SHH: variants seen among roughly 807,000 people sequenced by gnomAD.
SHH encodes the protein sonic hedgehog protein.
A neutral mutation model predicts 16.6 loss-of-function variants in SHH; 3 were observed. The observed-to-expected ratio is 0.18, with a 90% CI of 0.08 to 0.47. The LOEUF is 0.47. SHH is among the 20% of genes least tolerant of loss of function. The pLI is 0.98. For missense variants in SHH, 499 were observed against 665.0 expected, an observed-to-expected ratio of 0.75 and a Z score of 2.75; for synonymous variants, 351 against 316.2, an observed-to-expected ratio of 1.11 and a Z score of -1.17.
At position 155,803,630 on chromosome 7, in the gene SHH, G is replaced by A; in HGVS notation, c.659C>T (p.Pro220Leu). The change falls in exon 3 of 3, where the codon CCC becomes CTC. Residue 220 changes from proline (P) to leucine (L), a missense_variant. Pro to Leu is a moderately conservative substitution (Grantham distance 98, BLOSUM62 -3). Around this residue, in one of 4 missense-constraint regions of SHH, gnomAD observed 114 missense variants for 200.4 expected, o/e 0.57. Transcript: ENST00000297261. The part of the protein sequence containing the change: ...GGTKLVKDLS[P>L]GDRVLAADDQ... ...GTCCGCCGCCAGCACGCGGTCCCCG[G>A]GGCTCAGGTCCTTCACCAGCTTGGT... The A allele has an allele frequency of 6.3e-7, 1 of 1,598,314 alleles. No individual in the cohort carries two copies. Among genetic ancestry groups the A allele is most frequent in the South Asian group, 1.1e-5 (1 of 90,852 alleles).
Position 155,812,263 on chromosome 7 carries a change from GGCT to G in SHH, c.-144_-142del. On this transcript the variant is annotated 5_prime_UTR_variant, in exon 1 of 3. Coordinates refer to ENST00000297261, the MANE Select transcript of SHH (RefSeq NM_000193.4). ...TCGCCCGCTCGCTCTCTCCCTCGCT[GGCT>G]GCCTCGCTCTTTCTCTTCCTATATA... is the stretch of plus-strand genomic sequence containing the variant. The G allele has an allele frequency of 1.2e-6, 1 of 803,846 alleles. No homozygotes were observed. Among genetic ancestry groups the G allele is most frequent in the South Asian group, 1.5e-5 (1 of 68,220 alleles). The allele number at this position is 803,846 out of a possible 1,614,324, so 49.8% of individuals were successfully genotyped here.
In SHH at chr7:155,803,327, C is replaced by T; in HGVS notation, c.962G>A (p.Arg321His). 1 of 1,474,828 alleles carries T rather than the reference C, an allele frequency of 6.8e-7. No individual in the cohort carries two copies. Among genetic ancestry groups the T allele is most frequent in the Non-Finnish European group, 8.9e-7 (1 of 1,120,896 alleles). 91.4% of individuals were successfully genotyped at this position (1,474,828 alleles called of 1,614,324 possible). A position where few individuals can be genotyped will look rare whatever the true frequency, so the allele number is the denominator to read the frequency against. Residue 321 changes from arginine (R) to histidine (H), a missense_variant, in exon 3 of 3, where the codon CGT (arginine) becomes CAT (histidine). Physicochemically the swap from Arg to His is conservative, Grantham distance 29 (BLOSUM62 0). Coordinates refer to ENST00000297261, the MANE Select transcript of SHH (RefSeq NM_000193.4). ...GGGCAGGAGCCGGCGGTCCCCGTCA[C>T]GCTCGGCCACCACGTACACGCGCTG... ...PGQRVYVVAE[R>H]DGDRRLLPAA...
At chr7:155,810,123 T>C (rs1414124358) in intron 1 of SHH, among the ~76,000 whole-genome samples, 1 of 152,092 alleles carries the variant, frequency 6.6e-6, no homozygotes, top group Admixed American at 6.5e-5. Context: ...CCGCGGGGGA[T>C]CGATAACCCG....
rs10596345 is a variant in SHH at position 155,802,076 on chromosome 7, C to CAAAAAAAAAAAAAAAAAAAAAAAAAA, written c.*823_*824insTTTTTTTTTTTTTTTTTTTTTTTTTT. 1 of 91,222 alleles carries CAAAAAAAAAAAAAAAAAAAAAAAAAA rather than the reference C, an allele frequency of 1.1e-5. No individual in the cohort carries two copies. The highest frequency in any genetic ancestry group is 4.4e-5 in the African/African-American group (1 of 22,624). The allele number at this position is 91,222 out of a possible 1,614,324, so 5.7% of individuals were successfully genotyped here. Reference sequence around the variant, plus strand: ...AAAATAACAGTTCTTCCAGTTTGTCCAAAAAAAAAAAAAAAAAAAAAAAAG... The same window carrying CAAAAAAAAAAAAAAAAAAAAAAAAAA: ...AAAATAACAGTTCTTCCAGTTTGTCCAAAAAAAAAAAAAAAAAAAAAAAAAAAAAAAAAAAAAAAAAAAAAAAAAAG... On this transcript the variant is annotated 3_prime_UTR_variant, in exon 3 of 3. Transcript: ENST00000297261.
intron 1 of SHH, 29 bp from the exon 2 acceptor site, chr7:155,806,586 G>T (rs1449853450): frequency 1.2e-6 from 2 of 1,610,170 alleles, no homozygotes; most frequent in East Asian, 2.2e-5. Flanking sequence ...CCCCACCGAC[G>T]GACACGTTAG....
rs1803167400 is a variant in SHH, at chr7:155,800,970, A to G, written c.*1930T>C. Reference sequence around the variant, plus strand: ...AACTCTTCCAAGGCCCAGCCTGCTCAGACGATTCGGCCCAAAGCACAAAGC... The same window carrying G: ...AACTCTTCCAAGGCCCAGCCTGCTCGGACGATTCGGCCCAAAGCACAAAGC... On this transcript the variant is annotated 3_prime_UTR_variant, in exon 3 of 3. Transcript: ENST00000297261. 4.8e-6 allele frequency: 1 copy of G among 209,252 alleles called. No homozygotes were observed. The highest frequency in any genetic ancestry group is 5.2e-5 in the Admixed American group (1 of 19,102). The allele number at this position is 209,252 out of a possible 1,614,324, so 13.0% of individuals were successfully genotyped here.
chr7:155,809,987 C>A lies in SHH; in HGVS notation c.300+1836G>T, dbSNP rs1325048976. On this transcript the variant is annotated intron_variant, in intron 1 of 2. Transcript: ENST00000297261. This position sits in a 1 kb window ranked among gnomAD's most constrained non-coding sequence, Gnocchi z 6.1. ...TGCGCGGGCGCCCCCATCTCCGCGC[C>A]CCCGCCGCCGGGGACACTACAGCGA... Among the ~76,000 whole-genome samples the A allele has an allele frequency of 6.6e-6, 1 of 151,890 alleles. No individual in the cohort carries two copies. Among genetic ancestry groups the A allele is most frequent in the South Asian group, 2.1e-4 (1 of 4,832 alleles).
Position 155,800,869 on chromosome 7 carries a change from TCA to T in SHH, c.*2029_*2030del. 2 of 336,044 alleles carry T rather than the reference TCA, an allele frequency of 6.0e-6. No homozygotes were observed. The highest frequency in any genetic ancestry group is 2.3e-5 in the South Asian group (1 of 42,944). 20.8% of individuals were successfully genotyped at this position (336,044 alleles called of 1,614,324 possible). A position where few individuals can be genotyped will look rare whatever the true frequency, so the allele number is the denominator to read the frequency against. ...CCTGCCAGGTGGGGCTGAAGTCTGT[TCA>T]CTCCTGTTCCCTAAGCCTGGACCAC... On this transcript the variant is annotated 3_prime_UTR_variant, in exon 3 of 3. Transcript: ENST00000297261.
rs1803236279 is a variant in SHH, at chr7:155,803,068, CCCGCGGTCCCCGCCG to C, written c.1206_1220del (p.Asp405_Gly409del). On this transcript the variant is annotated inframe_deletion, in exon 3 of 3. Transcript: ENST00000297261. The stretch of plus-strand genomic sequence containing the variant: ...TTAGGGCTACTCTGCCGCCGCCGCC[CCCGCGGTCCCCGCCG>C]CCGCTGTCCCCGCCGCGGTCCGTGC... The C allele has an allele frequency of 7.2e-7, 1 of 1,379,998 alleles. No homozygotes were observed. Among genetic ancestry groups the C allele is most frequent in the South Asian group, 1.9e-5 (1 of 52,244 alleles). 85.5% of individuals were successfully genotyped at this position (1,379,998 alleles called of 1,614,324 possible). A position where few individuals can be genotyped will look rare whatever the true frequency, so the allele number is the denominator to read the frequency against.
At position 155,801,640 on chromosome 7, in the gene SHH, G is replaced by T. The variant is rs796521770; in HGVS notation, c.*1260C>A. The T allele has an allele frequency of 1.3e-4, 20 of 152,382 alleles. No homozygotes were observed. Among genetic ancestry groups the T allele is most frequent in the African/African-American group, 4.6e-4 (19 of 41,586 alleles). The allele number at this position is 152,382 out of a possible 1,614,324, so 9.4% of individuals were successfully genotyped here. On this transcript the variant is annotated 3_prime_UTR_variant, in exon 3 of 3. Coordinates refer to ENST00000297261, the MANE Select transcript of SHH (RefSeq NM_000193.4). Reference sequence around the variant, plus strand: ...ACACAATAAATACAAACAGAGCTGAGGTTTCTCCAGCCATGAGAAGAAACA... The same window carrying T: ...ACACAATAAATACAAACAGAGCTGATGTTTCTCCAGCCATGAGAAGAAACA...
Position 155,809,630 on chromosome 7 carries a change from C to A in SHH, c.300+2193G>T, listed in dbSNP as rs1286666900. On this transcript the variant is annotated intron_variant, in intron 1 of 2. Coordinates refer to ENST00000297261, the MANE Select transcript of SHH (RefSeq NM_000193.4). The surrounding 1 kb of genome is among the most constrained non-coding windows in gnomAD (Gnocchi z 6.1). Reference sequence around the variant, plus strand: ...GGCCTGGCTCTCCTCACCCAACCCCCACTTGGGCCGTCCTTCCCCCTCCTT... The same window carrying A: ...GGCCTGGCTCTCCTCACCCAACCCCAACTTGGGCCGTCCTTCCCCCTCCTT... Among the ~76,000 whole-genome samples, 2 of 152,214 alleles carry A rather than the reference C, an allele frequency of 1.3e-5. No individual in the cohort carries two copies. Among genetic ancestry groups the A allele is most frequent in the Admixed American group, 6.5e-5 (1 of 15,284 alleles).
chr7:155,812,168 C>T lies in SHH; in HGVS notation c.-46G>A. On this transcript the variant is annotated 5_prime_UTR_variant, in exon 1 of 3. Coordinates refer to ENST00000297261, the MANE Select transcript of SHH (RefSeq NM_000193.4). The stretch of plus-strand genomic sequence containing the variant: ...CTTCCGAGCTGTCCCCGTGCGGGTC[C>T]GTGCGCGAGTGCGCGCGGCGGGTGT... The T allele has an allele frequency of 6.3e-7, 1 of 1,599,044 alleles. No homozygotes were observed. Among genetic ancestry groups the T allele is most frequent in the Non-Finnish European group, 8.6e-7 (1 of 1,167,214 alleles).
In SHH at chr7:155,803,108, C is replaced by A. The variant is rs551809680; in HGVS notation, c.1181G>T (p.Arg394Leu). The change falls in exon 3 of 3, where the codon CGC becomes CTC. Residue 394 changes from arginine to leucine, a missense_variant. Arg to Leu is a moderately radical substitution (Grantham distance 102). Around this residue, in one of 4 missense-constraint regions of SHH, gnomAD observed 299 missense variants for 301.1 expected, o/e 0.99. Coordinates refer to ENST00000297261, the MANE Select transcript of SHH (RefSeq NM_000193.4). The part of the protein sequence containing the change: ...HALLAALAPA[R>L]TDRGGDSGGG... Reference sequence around the variant, plus strand: ...GCCGCTGTCCCCGCCGCGGTCCGTGCGCGCGGGCGCCAGTGCAGCCAGGAG... The same window carrying A: ...GCCGCTGTCCCCGCCGCGGTCCGTGAGCGCGGGCGCCAGTGCAGCCAGGAG... 2.2e-6 allele frequency: 3 copies of A among 1,347,770 alleles called. No homozygotes were observed. The highest frequency in any genetic ancestry group is 1.5e-5 in the African/African-American group (1 of 65,568). The allele number at this position is 1,347,770 out of a possible 1,614,324, so 83.5% of individuals were successfully genotyped here.
chr7:155,807,430 G>A lies in SHH; in HGVS notation c.301-873C>T, dbSNP rs1464579102. The A allele has an allele frequency of 1.3e-5, 2 of 152,102 alleles. No individual in the cohort carries two copies. Among genetic ancestry groups the A allele is most frequent in the Non-Finnish European group, 2.9e-5 (2 of 68,050 alleles). 9.4% of individuals were successfully genotyped at this position (152,102 alleles called of 1,614,324 possible). On this transcript the variant is annotated intron_variant, in intron 1 of 2. Transcript: ENST00000297261. This position sits in a 1 kb window ranked among gnomAD's most constrained non-coding sequence, Gnocchi z 7.1. ...GCAAGTTTGAAGAGCAAACTGAAGA[G>A]GTGGAGGGAGGGGGAGGGGTTTGAG... is the stretch of plus-strand genomic sequence containing the variant.
At position 155,809,507 on chromosome 7, in the gene SHH, GA is replaced by G. The variant is rs1183583844; in HGVS notation, c.300+2315del. Among the ~76,000 whole-genome samples the G allele has an allele frequency of 6.6e-6, 1 of 151,920 alleles. No individual in the cohort carries two copies. Among genetic ancestry groups the G allele is most frequent in the Non-Finnish European group, 1.5e-5 (1 of 67,964 alleles). On this transcript the variant is annotated intron_variant, in intron 1 of 2. Transcript: ENST00000297261. The surrounding 1 kb of genome is among the most constrained non-coding windows in gnomAD (Gnocchi z 6.1). ...CCTTAACTCCTGGAATCGGGAGAAG[GA>G]AGGTAGGGGAGGGATCAACCGGGGA...
rs1803538215 is a variant in SHH at position 155,812,175 on chromosome 7, G to T, written c.-53C>A. The stretch of plus-strand genomic sequence containing the variant: ...GCTGTCCCCGTGCGGGTCCGTGCGC[G>T]AGTGCGCGCGGCGGGTGTGTGCGTG... On this transcript the variant is annotated 5_prime_UTR_variant, in exon 1 of 3. Coordinates refer to ENST00000297261, the MANE Select transcript of SHH (RefSeq NM_000193.4). 1 of 1,566,742 alleles carries T rather than the reference G, an allele frequency of 6.4e-7. No individual in the cohort carries two copies. The highest frequency in any genetic ancestry group is 8.8e-7 in the Non-Finnish European group (1 of 1,138,114).
chr7:155,808,213 T>C (rs1257580845), intron 1 of SHH, among the ~76,000 whole-genome samples: 1 of 151,766 alleles, frequency 6.6e-6, no homozygotes, highest in African/African-American at 2.4e-5. Context: ...ATCTTGAGGA[T>C]TGAACGCGTT....
In SHH at chr7:155,807,796, C is replaced by T. The variant is rs1404314722; in HGVS notation, c.301-1239G>A. 6.6e-6 allele frequency among the ~76,000 whole-genome samples: 1 copy of T among 151,966 alleles called. No individual in the cohort carries two copies. Among genetic ancestry groups the T allele is most frequent in the Non-Finnish European group, 1.5e-5 (1 of 67,986 alleles). On this transcript the variant is annotated intron_variant, in intron 1 of 2. Transcript: ENST00000297261. The surrounding 1 kb of genome is among the most constrained non-coding windows in gnomAD (Gnocchi z 7.1). ...CCAAGAAGCTGCGCCAAGTGGAGGC[C>T]GAGGGGCAATTTCAAGGTGACTTCT...
rs1257994468 is a variant in SHH at position 155,802,327 on chromosome 7, T to C, written c.*573A>G. On this transcript the variant is annotated 3_prime_UTR_variant, in exon 3 of 3. Coordinates refer to ENST00000297261, the MANE Select transcript of SHH (RefSeq NM_000193.4). ...AGTTAAGTATTGATCTCTCAAAAAA[T>C]CTAATTTACAATTCTGTGTATAAAA... 6.6e-6 allele frequency: 1 copy of C among 152,182 alleles called. No homozygotes were observed. Among genetic ancestry groups the C allele is most frequent in the African/African-American group, 2.4e-5 (1 of 41,444 alleles). The allele number at this position is 152,182 out of a possible 1,614,324, so 9.4% of individuals were successfully genotyped here. A position where few individuals can be genotyped will look rare whatever the true frequency, so the allele number is the denominator to read the frequency against.
Sources: allele counts gnomAD v4.1 joint callset (sites outside exome capture counted in the v4.1 genomes callset), GRCh38; gene constraint gnomAD v4.1.1; regional missense constraint gnomAD v4.1.1; non-coding constraint Gnocchi (gnomAD v3.1); transcripts MANE v1.5; gene names NCBI Gene and HGNC (gene_info 2026-07-23, HGNC 2026-07-21).